SLAMF7: variants seen among roughly 807,000 people sequenced by gnomAD.
The protein encoded by SLAMF7 is 19A24 protein.
SLAMF7 carries 26 observed loss-of-function variants against 34.1 expected under a neutral mutation model. The ratio of observed to expected loss-of-function variants is 0.76; its 90% confidence interval spans 0.56 to 1.06. SLAMF7 has a LOEUF of 1.06. Among genes scored for constraint, SLAMF7 ranks in the 50% least tolerant of loss-of-function variants. SLAMF7 has a pLI of 0.00. For synonymous variants in SLAMF7, 171 were observed against 156.4 expected, an observed-to-expected ratio of 1.09 and a Z score of -0.70; for missense variants, 399 against 402.5, an observed-to-expected ratio of 0.99 and a Z score of 0.07.
intron 1 of SLAMF7, 161 bp downstream of exon 1, chr1:160,739,517 G>A (rs534293697): frequency 3.2e-6 from 2 of 623,870 alleles, no homozygotes; most frequent in South Asian, 2.1e-5. Context: ...CTCAGGTCAG[G>A]AAGAGACTAG....
intron 1 of SLAMF7, among the ~76,000 whole-genome samples, 191 bp from the exon 2 acceptor site, chr1:160,748,003 G>A (rs868224535): frequency 7.9e-5 from 12 of 152,134 alleles, no homozygotes; most frequent in African/African-American, 2.9e-4. Context: ...CTAATATAAT[G>A]CTTCCATGTG....
intron 1 of SLAMF7, among the ~76,000 whole-genome samples, chr1:160,744,509 C>T (rs575098953): frequency 1.6e-4 from 24 of 152,322 alleles, no homozygotes; most frequent in African/African-American, 5.3e-4. Flanking sequence ...AGAAACAATG[C>T]GTTTGGCAAC....
At chr1:160,749,763 T>C in intron 2 of SLAMF7, 58 bp from the exon 3 acceptor site, 1 of 1,440,098 alleles carries the variant, frequency 6.9e-7, no homozygotes, top group Non-Finnish European at 9.4e-7. Context: ...CAAGGATAAT[T>C]CAGAGAATGG....
Position 160,750,388 on chromosome 1 carries a change from T to G in SLAMF7, c.734T>G (p.Leu245Arg). ...CTGCTCAGTCTCTTTGTACTGGGGC[T>G]ATTTCTTTGGTTTCTGAAGAGAGAG... ...PLLLSLFVLG[L>R]FLWFLKRERQ... The change falls in exon 4 of 7, where the codon CTA becomes CGA. Residue 245 changes from leucine to arginine, a missense_variant. Transcript: ENST00000368043. 6.2e-7 allele frequency: 1 copy of G among 1,614,066 alleles called. No individual in the cohort carries two copies. The highest frequency in any genetic ancestry group is 8.5e-7 in the Non-Finnish European group (1 of 1,179,936).
intron 4 of SLAMF7, 117 bp downstream of exon 4, chr1:160,750,540 A>T: frequency 8.1e-7 from 1 of 1,236,810 alleles, no homozygotes; most frequent in Non-Finnish European, 1.1e-6. Context: ...AGATGCAGAG[A>T]TGAAGAAGCC....
At chr1:160,745,247 C>T (rs1482296987) in intron 1 of SLAMF7, among the ~76,000 whole-genome samples, 1 of 152,134 alleles carries the variant, frequency 6.6e-6, no homozygotes, top group African/African-American at 2.4e-5. Context: ...ACTGGTAGGG[C>T]AGTTTATGCT....
At position 160,750,383 on chromosome 1, in the gene SLAMF7, G is replaced by C; in HGVS notation, c.729G>C (p.Leu243=). 6.2e-7 allele frequency: 1 copy of C among 1,614,046 alleles called. No individual in the cohort carries two copies. The highest frequency in any genetic ancestry group is 8.5e-7 in the Non-Finnish European group (1 of 1,179,946). ...LVPLLLSLFV[L]GLFLWFLKRE... The stretch of plus-strand genomic sequence containing the variant: ...CCCTCCTGCTCAGTCTCTTTGTACT[G>C]GGGCTATTTCTTTGGTTTCTGAAGA... Residue 243 remains leucine, a synonymous_variant, in exon 4 of 7, where the codon CTG becomes CTC. Transcript: ENST00000368043.
At chr1:160,746,556 A>G (rs1352265353) in intron 1 of SLAMF7, among the ~76,000 whole-genome samples, 1 of 152,264 alleles carries the variant, frequency 6.6e-6, no homozygotes, top group Non-Finnish European at 1.5e-5. Context: ...TTGACAGCTG[A>G]TGTGAGACCT....
chr1:160,753,253 C>A lies in SLAMF7; in HGVS notation c.*76C>A. On this transcript the variant is annotated 3_prime_UTR_variant, in exon 7 of 7. Transcript: ENST00000368043. ...CCCAAAGAAAACAATCAGAAGAATTCACTGATTTGACTAGAAACATCAAGG... is the reference window on the plus strand; with the variant it reads ...CCCAAAGAAAACAATCAGAAGAATTAACTGATTTGACTAGAAACATCAAGG... 7.9e-7 allele frequency: 1 copy of A among 1,263,294 alleles called. No homozygotes were observed. The highest frequency in any genetic ancestry group is 1.1e-6 in the Non-Finnish European group (1 of 881,452). The allele number at this position is 1,263,294 out of a possible 1,614,324, so 78.3% of individuals were successfully genotyped here. A position where few individuals can be genotyped will look rare whatever the true frequency, so the allele number is the denominator to read the frequency against.
At chr1:160,740,300 A>AAG (rs1663633706) in intron 1 of SLAMF7, among the ~76,000 whole-genome samples, 1 of 152,102 alleles carries the variant, frequency 6.6e-6, no homozygotes, top group African/African-American at 2.4e-5. Context: ...AAAAAACAAA[A>AAG]AAAAAACTCC....
chr1:160,740,855 GAGATCAC>G (rs1264957501), intron 1 of SLAMF7, among the ~76,000 whole-genome samples: 1 of 152,206 alleles, frequency 6.6e-6, no homozygotes, highest in African/African-American at 2.4e-5. Context: ...GCTCAGCAGA[GAGATCAC>G]GCTTCTTGGG....
Position 160,751,966 on chromosome 1 carries a change from T to C in SLAMF7, c.874-220T>C, listed in dbSNP as rs1040226503. On this transcript the variant is annotated intron_variant, in intron 5 of 6. Transcript: ENST00000368043. ...AACACAGTACAGTTTAAAAATAATG[T>C]AATGGCTTCCTGAAAAAAGTTATCA... 1.9e-5 allele frequency: 7 copies of C among 375,642 alleles called. No homozygotes were observed. The East Asian group carries it at 3.3e-4, about 18-fold the overall frequency. 23.3% of individuals were successfully genotyped at this position (375,642 alleles called of 1,614,324 possible). A position where few individuals can be genotyped will look rare whatever the true frequency, so the allele number is the denominator to read the frequency against.
Position 160,753,333 on chromosome 1 carries a change from A to G in SLAMF7, c.*156A>G. 1.5e-6 allele frequency: 1 copy of G among 649,880 alleles called. No homozygotes were observed. Among genetic ancestry groups the G allele is most frequent in the African/African-American group, 1.8e-5 (1 of 54,854 alleles). 40.3% of individuals were successfully genotyped at this position (649,880 alleles called of 1,614,324 possible). On this transcript the variant is annotated 3_prime_UTR_variant, in exon 7 of 7. Transcript: ENST00000368043. ...GATAAATTATCTCTGATGCTTCTTT[A>G]GATTTAAGAGTTCATAATTCCATCC... is the stretch of plus-strand genomic sequence containing the variant.
In SLAMF7 at chr1:160,750,357, C is replaced by T. The variant is rs1317882979; in HGVS notation, c.703C>T (p.Pro235Ser). Reference sequence around the variant, plus strand: ...GGTCCTCCTGTGTCTCCTGTTGGTGCCCCTCCTGCTCAGTCTCTTTGTACT... The same window carrying T: ...GGTCCTCCTGTGTCTCCTGTTGGTGTCCCTCCTGCTCAGTCTCTTTGTACT... ...SMVLLCLLLVPLLLSLFVLGL... is the reference protein window; with the variant it reads ...SMVLLCLLLVSLLLSLFVLGL... The change falls in exon 4 of 7, where the codon CCC becomes TCC. Residue 235 changes from proline to serine, a missense_variant. Physicochemically the swap from Pro to Ser is moderately conservative, Grantham distance 74 (BLOSUM62 -1). Transcript: ENST00000368043. 1.2e-6 allele frequency: 2 copies of T among 1,614,092 alleles called. No individual in the cohort carries two copies. The highest frequency in any genetic ancestry group is 1.7e-6 in the Non-Finnish European group (2 of 1,179,940).
chr1:160,748,136 A>G, intron 1 of SLAMF7, 58 bp from the exon 2 acceptor site: 2 of 1,549,608 alleles, frequency 1.3e-6, no homozygotes, highest in Non-Finnish European at 1.8e-6. Context: ...AAAGGGGGTG[A>G]GTAATTGGTG....
intron 1 of SLAMF7, among the ~76,000 whole-genome samples, chr1:160,740,313 G>T (rs1206997760): frequency 6.6e-6 from 1 of 151,418 alleles, no homozygotes; most frequent in Non-Finnish European, 1.5e-5. Flanking sequence ...AAAACTCCCT[G>T]AACGGAAATG....
intron 1 of SLAMF7, among the ~76,000 whole-genome samples, chr1:160,743,189 A>G (rs891963383): frequency 1.3e-5 from 2 of 152,240 alleles, no homozygotes; most frequent in East Asian, 1.9e-4. Flanking sequence ...TAAAGTGTCA[A>G]TGAAGTGAAA....
At position 160,754,799 on chromosome 1, in the gene SLAMF7, ATT is replaced by A. The variant is rs1234801191; in HGVS notation, c.*1623_*1624del. On this transcript the variant is annotated 3_prime_UTR_variant, in exon 7 of 7. Coordinates refer to ENST00000368043, the MANE Select transcript of SLAMF7 (RefSeq NM_021181.5). ...TCTTTACTATCTTAATAAAACAGAT[ATT>A]GTGAGATTCACATACAAAAAGATGC... 1 of 152,396 alleles carries A rather than the reference ATT, an allele frequency of 6.6e-6. No individual in the cohort carries two copies. The highest frequency in any genetic ancestry group is 2.4e-5 in the African/African-American group (1 of 41,470). The allele number at this position is 152,396 out of a possible 1,614,324, so 9.4% of individuals were successfully genotyped here. A position where few individuals can be genotyped will look rare whatever the true frequency, so the allele number is the denominator to read the frequency against.
chr1:160,748,838 T>G (rs933405383), intron 2 of SLAMF7, among the ~76,000 whole-genome samples: 1 of 152,204 alleles, frequency 6.6e-6, no homozygotes, highest in East Asian at 1.9e-4. Flanking sequence ...ATATCTGTAG[T>G]GGGGAGGAAA....
Sources: allele counts gnomAD v4.1 joint callset (sites outside exome capture counted in the v4.1 genomes callset), GRCh38; gene constraint gnomAD v4.1.1; transcripts MANE v1.5; gene names NCBI Gene and HGNC (gene_info 2026-07-23, HGNC 2026-07-21).